Variants in TUFT1 observed in about 807,000 individuals in gnomAD.
TUFT1 encodes the protein tuftelin.
In TUFT1, 43 loss-of-function variants were observed where a neutral mutation model predicts 57.8. The ratio of observed to expected loss-of-function variants is 0.74; its 90% CI spans 0.58 to 0.96. TUFT1 has a LOEUF of 0.96. TUFT1 is among the 40% of genes least tolerant of loss of function. The pLI is 0.00. For missense variants in TUFT1, 459 were observed against 489.0 expected (o/e 0.94, Z 0.58); for synonymous variants, 166 against 176.7 (o/e 0.94, Z 0.48).
intron 1 of TUFT1, among the ~76,000 whole-genome samples, chr1:151,551,116 G>C (rs1370499908): frequency 6.6e-6 from 1 of 152,082 alleles, no homozygotes; most frequent in African/African-American, 2.4e-5. Flanking sequence ...TTCCTTTACT[G>C]GTGAGGTTGA....
chr1:151,561,567 A>C, intron 1 of TUFT1: 1 of 985,080 alleles, frequency 1.0e-6, no homozygotes, highest in Non-Finnish European at 1.2e-6. Flanking sequence ...TCTCTAGATG[A>C]ATACCTATTA....
intron 9 of TUFT1, 126 bp downstream of exon 9, chr1:151,575,131 G>A: frequency 1.2e-6 from 1 of 830,318 alleles, no homozygotes; most frequent in Non-Finnish European, 1.9e-6. Context: ...AGATCTTCCA[G>A]CTCTGACTCA....
Position 151,569,704 on chromosome 1 carries a change from G to T in TUFT1, c.528G>T (p.Val176=), listed in dbSNP as rs1400046178. The part of the protein sequence containing the change: ...NEDVESLRKT[V]QDLLAKLQEA... ...ATGTTGAGAGCTTGAGGAAGACGGT[G>T]CAGGACTTGCTGGCCAAGCTTCAGG... is the stretch of plus-strand genomic sequence containing the variant. The change falls in exon 7 of 13, where the codon GTG becomes GTT. Residue 176 remains valine (V), a synonymous_variant. Transcript: ENST00000368849. The T allele has an allele frequency of 6.2e-7, 1 of 1,614,094 alleles. No individual in the cohort carries two copies. Among genetic ancestry groups the T allele is most frequent in the Admixed American group, 1.7e-5 (1 of 60,018 alleles).
chr1:151,542,056 G>A (rs1041370598), intron 1 of TUFT1, among the ~76,000 whole-genome samples: 6 of 152,056 alleles, frequency 3.9e-5, no homozygotes, highest in Non-Finnish European at 7.4e-5. Flanking sequence ...GAGGGAAAAG[G>A]GTATGAGATA....
intron 1 of TUFT1, among the ~76,000 whole-genome samples, chr1:151,558,491 A>G (rs1342558116): frequency 1.3e-5 from 2 of 151,980 alleles, no homozygotes; most frequent in Non-Finnish European, 2.9e-5. Flanking sequence ...TCTTGAATCT[A>G]TAGATTTGTG....
chr1:151,574,808 C>T, intron 8 of TUFT1, 103 bp from the exon 9 acceptor site: 1 of 990,934 alleles, frequency 1.0e-6, no homozygotes, highest in Non-Finnish European at 1.5e-6. Flanking sequence ...GGCAGCTGTC[C>T]AGGCCCAGTA....
intron 1 of TUFT1, among the ~76,000 whole-genome samples, chr1:151,554,421 A>G (rs1665606028): frequency 6.6e-6 from 1 of 152,128 alleles, no homozygotes; most frequent in African/African-American, 2.4e-5. Context: ...TGTTATTGAG[A>G]CAGAGTCTTG....
At chr1:151,553,278 G>T (rs900340679) in intron 1 of TUFT1, among the ~76,000 whole-genome samples, 4 of 152,162 alleles carry the variant, frequency 2.6e-5, no homozygotes, top group Non-Finnish European at 5.9e-5. Context: ...TTGTAGTAGA[G>T]ATGGGGTTTC....
chr1:151,543,977 T>TA (rs1439760095), intron 1 of TUFT1, among the ~76,000 whole-genome samples: 7 of 122,580 alleles, frequency 5.7e-5, no homozygotes, highest in South Asian at 3.1e-4. Flanking sequence ...CATCCTTCTT[T>TA]AAATCACTTT....
At chr1:151,567,815 G>A (rs1005246872) in intron 6 of TUFT1, among the ~76,000 whole-genome samples, 4 of 152,208 alleles carry the variant, frequency 2.6e-5, no homozygotes, top group South Asian at 2.1e-4. Context: ...CAAAGTGTTA[G>A]GATTACAGGC....
At chr1:151,563,124 A>G (rs973109491) in intron 3 of TUFT1, among the ~76,000 whole-genome samples, 2 of 152,162 alleles carry the variant, frequency 1.3e-5, no homozygotes, top group African/African-American at 2.4e-5. Flanking sequence ...GGCTCGAGCA[A>G]TCGTCCTGTC....
chr1:151,556,887 T>C (rs997223459), intron 1 of TUFT1, among the ~76,000 whole-genome samples: 1 of 152,100 alleles, frequency 6.6e-6, no homozygotes, highest in Non-Finnish European at 1.5e-5. Flanking sequence ...GGTAGGAGAA[T>C]TGCTTGAACC....
At chr1:151,570,331 GAGTGC>G (rs1487346518) in intron 7 of TUFT1, among the ~76,000 whole-genome samples, 1 of 152,216 alleles carries the variant, frequency 6.6e-6, no homozygotes, top group Non-Finnish European at 1.5e-5. Flanking sequence ...TGCCAAGCTG[GAGTGC>G]AGTGGCGCAA....
chr1:151,569,629 C>T, intron 6 of TUFT1, 28 bp from the exon 7 acceptor site: 2 of 1,594,750 alleles, frequency 1.3e-6, no homozygotes, highest in Non-Finnish European at 1.7e-6. Flanking sequence ...TTGAGGGCTT[C>T]CCCTTCCCTT....
At chr1:151,567,281 A>G (rs1193820571) in intron 6 of TUFT1, among the ~76,000 whole-genome samples, 1 of 152,048 alleles carries the variant, frequency 6.6e-6, no homozygotes, top group Non-Finnish European at 1.5e-5. Flanking sequence ...TGGTGCAGTC[A>G]TGGCTCATTA....
chr1:151,574,170 G>A (rs750644596), intron 7 of TUFT1, 100 bp from the exon 8 acceptor site: 3 of 1,474,124 alleles, frequency 2.0e-6, no homozygotes, highest in South Asian at 1.4e-5. Context: ...TCCCGTCATG[G>A]CTCCAGAGCC....
intron 7 of TUFT1, among the ~76,000 whole-genome samples, chr1:151,572,249 G>T (rs1353153823): frequency 6.6e-6 from 1 of 151,996 alleles, no homozygotes; most frequent in Non-Finnish European, 1.5e-5. Context: ...AAAAAAGGAG[G>T]TGCTCCTCGG....
In TUFT1 at chr1:151,554,695, C is replaced by CTTTTT. The variant is rs771656418; in HGVS notation, c.61-7374_61-7370dup. Among the ~76,000 whole-genome samples, 15 of 85,652 alleles carry CTTTTT rather than the reference C, an allele frequency of 1.8e-4. 1 individual carries two copies. The highest frequency in any genetic ancestry group is 2.4e-4 in the Non-Finnish European group (11 of 46,080). 56.2% of individuals were successfully genotyped at this position (85,652 alleles called of 152,430 possible). On this transcript the variant is annotated intron_variant, in intron 1 of 12. Coordinates refer to ENST00000368849, the MANE Select transcript of TUFT1 (RefSeq NM_020127.3). Reference sequence around the variant, plus strand: ...ACTGTGAACCACTGTGCCCGGCCCCCTTTTTTTTTTTTTTTTTTTTTTTTT... The same window carrying CTTTTT: ...ACTGTGAACCACTGTGCCCGGCCCCCTTTTTTTTTTTTTTTTTTTTTTTTTTTTTT...
intron 1 of TUFT1, among the ~76,000 whole-genome samples, chr1:151,560,891 C>T (rs1558007156): frequency 6.6e-6 from 1 of 152,010 alleles, no homozygotes; most frequent in Non-Finnish European, 1.5e-5. Flanking sequence ...TCCCAATCTA[C>T]AGGCCCTTAC....
Sources: allele counts gnomAD v4.1 joint callset (sites outside exome capture counted in the v4.1 genomes callset), GRCh38; gene constraint gnomAD v4.1.1; transcripts MANE v1.5; gene names NCBI Gene and HGNC (gene_info 2026-07-23, HGNC 2026-07-21).